Variants in CFAP61 observed in about 807,000 individuals in gnomAD.
The protein encoded by CFAP61 is cilia- and flagella-associated protein 61.
Under a neutral mutation model 135.6 loss-of-function variants are expected in CFAP61, and 107 were observed. The ratio of observed to expected loss-of-function variants is 0.79; its 90% CI spans 0.67 to 0.93. The LOEUF (loss-of-function observed/expected upper bound fraction) is 0.93, where lower values mean the gene tolerates loss of function less well. Ranked by LOEUF, CFAP61 falls within the 40% of genes least tolerant of loss-of-function variation. The pLI is 0.00. For synonymous variants in CFAP61, 575 were observed against 578.5 expected (o/e 0.99, Z 0.09); for missense variants, 1,507 against 1,556.2 (o/e 0.97, Z 0.53).
chr20:20,248,207 C>T (rs1158550247), intron 19 of CFAP61, among the ~76,000 whole-genome samples: 1 of 152,158 alleles, frequency 6.6e-6, no homozygotes, highest in Non-Finnish European at 1.5e-5. Flanking sequence ...AATAACACAG[C>T]CAGACCCCTT....
chr20:20,052,780 G>A (rs2146514172), intron 1 of CFAP61, 189 bp downstream of exon 1: 1 of 1,483,946 alleles, frequency 6.7e-7, no homozygotes, highest in East Asian at 2.4e-5. Flanking sequence ...GGGAAGAAGG[G>A]AGAGCGAGGA....
intron 2 of CFAP61, among the ~76,000 whole-genome samples, chr20:20,060,871 C>G (rs1187078878): frequency 6.6e-6 from 1 of 152,238 alleles, no homozygotes; most frequent in African/African-American, 2.4e-5. Context: ...ACAGCCTCTG[C>G]TGAGCTCCCC....
At chr20:20,155,583 A>G (rs1386288874) in intron 9 of CFAP61, among the ~76,000 whole-genome samples, 1 of 152,180 alleles carries the variant, frequency 6.6e-6, no homozygotes, top group Non-Finnish European at 1.5e-5. Context: ...AAAGAAACAA[A>G]TAATCCCATC....
chr20:20,302,655 G>C (rs1329163379), intron 25 of CFAP61, among the ~76,000 whole-genome samples: 2 of 152,040 alleles, frequency 1.3e-5, no homozygotes, highest in African/African-American at 2.4e-5. Context: ...GAGTGAGACT[G>C]TGTCTCAAAA....
chr20:20,070,750 T>C, intron 2 of CFAP61, 104 bp from the exon 3 acceptor site: 1 of 948,558 alleles, frequency 1.1e-6, no homozygotes, highest in East Asian at 2.5e-5. Context: ...TCTGACCTCA[T>C]GCAGTGGCTG....
chr20:20,067,715 ATAAT>A (rs1198037716), intron 2 of CFAP61, among the ~76,000 whole-genome samples: 2 of 145,454 alleles, frequency 1.4e-5, no homozygotes, highest in African/African-American at 2.5e-5. Flanking sequence ...TATTTTATAT[ATAAT>A]ATATATTCAT....
intron 25 of CFAP61, among the ~76,000 whole-genome samples, chr20:20,319,913 G>A (rs2057351599): frequency 6.6e-6 from 1 of 152,150 alleles, no homozygotes; most frequent in Admixed American, 6.5e-5. Context: ...TGCAGTCCTT[G>A]GTGGGAAAAC....
chr20:20,188,118 C>G, intron 14 of CFAP61, 62 bp downstream of exon 14: 1 of 1,574,028 alleles, frequency 6.4e-7, no homozygotes, highest in Admixed American at 1.7e-5. Context: ...CATGTAGATT[C>G]AGCCCTGAAA....
chr20:20,241,723 C>T (rs890514770), intron 18 of CFAP61, among the ~76,000 whole-genome samples: 2 of 152,002 alleles, frequency 1.3e-5, no homozygotes, highest in South Asian at 2.1e-4. Context: ...TAACATAAAC[C>T]ACATATCTAT....
chr20:20,105,808 GTTT>G, intron 8 of CFAP61, among the ~76,000 whole-genome samples: 1 of 140,844 alleles, frequency 7.1e-6, no homozygotes. Context: ...ATTTTTTTGA[GTTT>G]TTTTTTTTTA....
At chr20:20,248,538 T>G (rs1191234876) in intron 19 of CFAP61, among the ~76,000 whole-genome samples, 2 of 152,200 alleles carry the variant, frequency 1.3e-5, no homozygotes, top group African/African-American at 4.8e-5. Flanking sequence ...ATGTCTGGGA[T>G]GCAGCCGAAA....
chr20:20,296,330 T>TCCTTCCTTCCTTC (rs1438602255), intron 24 of CFAP61, among the ~76,000 whole-genome samples: 7 of 39,522 alleles, frequency 1.8e-4, no homozygotes, highest in Admixed American at 3.0e-4. Context: ...TTCCTTCCCT[T>TCCTTCCTTCCTTC]CCTTCCTTCC....
At chr20:20,182,070 T>C (rs1375921593) in intron 13 of CFAP61, among the ~76,000 whole-genome samples, 1 of 152,210 alleles carries the variant, frequency 6.6e-6, no homozygotes, top group Non-Finnish European at 1.5e-5. Context: ...AAGCGGACTT[T>C]GTTTTATTGG....
intron 22 of CFAP61, among the ~76,000 whole-genome samples, chr20:20,282,921 A>G (rs2054305824): frequency 6.9e-6 from 1 of 145,734 alleles, no homozygotes; most frequent in Admixed American, 6.9e-5. Context: ...CCTGGGCGAC[A>G]GAGCAAGACC....
At chr20:20,289,286 T>C (rs754196075) in intron 23 of CFAP61, among the ~76,000 whole-genome samples, 66 of 152,196 alleles carry the variant, frequency 4.3e-4, no homozygotes, top group Admixed American at 4.6e-4. Context: ...AAACTTCCAT[T>C]CTCTCTGTAA....
chr20:20,232,382 GA>G (rs894585164), intron 18 of CFAP61, among the ~76,000 whole-genome samples: 17 of 144,066 alleles, frequency 1.2e-4, no homozygotes, highest in South Asian at 4.4e-4. Flanking sequence ...TAGCAAAATA[GA>G]AAAAAAAAAG....
chr20:20,118,253 GTTTCTTTCTTTCTTTC>G (rs148875515), intron 8 of CFAP61, among the ~76,000 whole-genome samples: 31,958 of 138,348 alleles, frequency 0.23, 4,423 homozygotes, highest in Non-Finnish European at 0.3. Flanking sequence ...TTTGAGGTAT[GTTTCTTTCTTTCTTTC>G]TTTCTTTCTT....
chr20:20,126,660 T>C (rs1306017206), intron 8 of CFAP61, among the ~76,000 whole-genome samples: 2 of 152,030 alleles, frequency 1.3e-5, no homozygotes, highest in East Asian at 1.9e-4. Context: ...CTTTCCTTCA[T>C]CTTAACTCTA....
intron 9 of CFAP61, among the ~76,000 whole-genome samples, chr20:20,153,227 T>C (rs2052599870): frequency 6.6e-6 from 1 of 152,128 alleles, no homozygotes; most frequent in Non-Finnish European, 1.5e-5. Flanking sequence ...AAAGTGGTGC[T>C]AAGAGGAAAG....
Sources: allele counts gnomAD v4.1 joint callset (sites outside exome capture counted in the v4.1 genomes callset), GRCh38; gene constraint gnomAD v4.1.1; transcripts MANE v1.5; gene names NCBI Gene and HGNC (gene_info 2026-07-23, HGNC 2026-07-21).